Variants in FEZ1 observed in about 807,000 individuals in gnomAD.
The protein encoded by FEZ1 is fasciculation and elongation protein zeta-1.
FEZ1 carries 20 observed loss-of-function variants against 49.3 expected under a neutral mutation model. The ratio of observed to expected loss-of-function variants is 0.41; its 90% CI spans 0.29 to 0.59. The LOEUF is 0.59. Among genes scored for constraint, FEZ1 ranks in the 20% least tolerant of loss-of-function variants. The probability of loss-of-function intolerance (pLI) is 0.36; values close to 1 mark genes in which losing one functional copy is unlikely to be tolerated. For missense variants in FEZ1, 413 were observed against 476.0 expected (o/e 0.87, Z 1.23); for synonymous variants, 170 against 180.9 (o/e 0.94, Z 0.48).
rs762579376 is a variant in FEZ1, at chr11:125,456,050, C to T, written c.724G>A (p.Ala242Thr). 3 of 1,611,648 alleles carry T rather than the reference C, an allele frequency of 1.9e-6. No homozygotes were observed. The highest frequency in any genetic ancestry group is 1.7e-6 in the Non-Finnish European group (2 of 1,179,434). The change falls in exon 6 of 10, where the codon GCC (alanine) becomes ACC (threonine). Residue 242 changes from alanine to threonine, a missense_variant. Physicochemically the swap from Ala to Thr is moderately conservative, Grantham distance 58 (BLOSUM62 0). Coordinates refer to ENST00000278919, the MANE Select transcript of FEZ1 (RefSeq NM_005103.5). ...AGCTCCTCCGAGAAGTCACGGATGG[C>T]ACCCTCCACCTGGTCCAGCAGCTCG... ...LTELLDQVEG[A>T]IRDFSEELVQ...
intron 3 of FEZ1, among the ~76,000 whole-genome samples, chr11:125,464,917 C>T (rs761880012): frequency 2.0e-5 from 3 of 152,152 alleles, no homozygotes; most frequent in Non-Finnish European, 2.9e-5. Context: ...TGGTTTCCAC[C>T]GCTCCCCACT....
intron 1 of FEZ1, among the ~76,000 whole-genome samples, chr11:125,490,342 G>C (rs1437642732): frequency 6.6e-6 from 1 of 152,044 alleles, no homozygotes; most frequent in Non-Finnish European, 1.5e-5. Flanking sequence ...GCTGTTCATG[G>C]CTTTAATTTA....
At chr11:125,468,284 T>C (rs1957152329) in intron 3 of FEZ1, among the ~76,000 whole-genome samples, 1 of 152,054 alleles carries the variant, frequency 6.6e-6, no homozygotes, top group African/African-American at 2.4e-5. Flanking sequence ...ATCAGGCAAT[T>C]CTTCCACCTC....
Position 125,460,506 on chromosome 11 carries a change from G to A in FEZ1, c.659C>T (p.Ser220Phe). The change falls in exon 5 of 10, where the codon TCC becomes TTC. Residue 220 changes from serine to phenylalanine, a missense_variant. By Grantham distance (155) the Ser-to-Phe change is radical. Coordinates refer to ENST00000278919, the MANE Select transcript of FEZ1 (RefSeq NM_005103.5). ...GCGCCCAGGGCCCTCACCTTCATAG[G>A]ACCAGTTGTTGTTGAAGGTCTGTGT... ...ALTQTFNNNW[S>F]YEGLRHMSGS... is the part of the protein sequence containing the mutation. 1 of 1,613,858 alleles carries A rather than the reference G, an allele frequency of 6.2e-7. No individual in the cohort carries two copies. The highest frequency in any genetic ancestry group is 1.1e-5 in the South Asian group (1 of 91,018).
chr11:125,473,307 T>C (rs1957199455), intron 3 of FEZ1, among the ~76,000 whole-genome samples: 4 of 152,192 alleles, frequency 2.6e-5, no homozygotes, highest in Admixed American at 2.6e-4. Flanking sequence ...GGAATAAGAT[T>C]TTCAATGAAT....
At position 125,489,954 on chromosome 11, in the gene FEZ1, G is replaced by T; in HGVS notation, c.-45-132C>A. On this transcript the variant is annotated intron_variant, in intron 1 of 9. Transcript: ENST00000278919. This position sits in a 1 kb window ranked among gnomAD's most constrained non-coding sequence, Gnocchi z 4.2. ...GCACTGGTTAAGTACGAAGCTCCTG[G>T]ACAAGATCGTCTAGGTTTGCATTCT... 1.3e-6 allele frequency: 1 copy of T among 749,802 alleles called. No homozygotes were observed. Among genetic ancestry groups the T allele is most frequent in the Non-Finnish European group, 2.0e-6 (1 of 510,834 alleles). The allele number at this position is 749,802 out of a possible 1,614,324, so 46.4% of individuals were successfully genotyped here.
chr11:125,447,263 A>C (rs1000069796), intron 9 of FEZ1, among the ~76,000 whole-genome samples: 2 of 152,228 alleles, frequency 1.3e-5, no homozygotes, highest in African/African-American at 4.8e-5. Context: ...ACAGGAGAAC[A>C]TATTAAATTA....
At chr11:125,466,917 A>T (rs989611647) in intron 3 of FEZ1, among the ~76,000 whole-genome samples, 4 of 151,778 alleles carry the variant, frequency 2.6e-5, no homozygotes, top group Non-Finnish European at 4.4e-5. Flanking sequence ...TCCTCCCCTT[A>T]CCACTATTGT....
At chr11:125,457,654 A>AG (rs1957033169) in intron 5 of FEZ1, among the ~76,000 whole-genome samples, 1 of 151,532 alleles carries the variant, frequency 6.6e-6, no homozygotes, top group Admixed American at 6.6e-5. Flanking sequence ...GTGGGTACAT[A>AG]GGGGGTGTAT....
At position 125,443,544 on chromosome 11, in the gene FEZ1, T is replaced by C. The variant is rs1234544796; in HGVS notation, c.*2551A>G. On this transcript the variant is annotated 3_prime_UTR_variant, in exon 10 of 10. Coordinates refer to ENST00000278919, the MANE Select transcript of FEZ1 (RefSeq NM_005103.5). The stretch of plus-strand genomic sequence containing the variant: ...GGCTCCTTTTAAGAGAAGAGCTGCC[T>C]CCCTTTTAAAGGGAGACCTTGTTAA... 6.6e-6 allele frequency among the ~76,000 whole-genome samples: 1 copy of C among 152,200 alleles called. No individual in the cohort carries two copies. The highest frequency in any genetic ancestry group is 1.9e-4 in the East Asian group (1 of 5,200).
At position 125,459,957 on chromosome 11, in the gene FEZ1, G is replaced by A. The variant is rs138291089; in HGVS notation, c.667+541C>T. On this transcript the variant is annotated intron_variant, in intron 5 of 9. Coordinates refer to ENST00000278919, the MANE Select transcript of FEZ1 (RefSeq NM_005103.5). ...ACAAAAATACACAAATTAGCAGGGC[G>A]TGGTGGCACGTGCCTGTAGTCCCAA... Among the ~76,000 whole-genome samples the A allele has an allele frequency of 5.9e-3, 900 of 152,186 alleles. 9 individuals carry two copies. Among genetic ancestry groups the A allele is most frequent in the African/African-American group, 0.019 (804 of 41,528 alleles).
rs1956876689 is a variant in FEZ1, at chr11:125,444,167, T to G, written c.*1928A>C. 6.6e-6 allele frequency among the ~76,000 whole-genome samples: 1 copy of G among 152,216 alleles called. No individual in the cohort carries two copies. The highest frequency in any genetic ancestry group is 2.1e-4 in the South Asian group (1 of 4,834). On this transcript the variant is annotated 3_prime_UTR_variant, in exon 10 of 10. Coordinates refer to ENST00000278919, the MANE Select transcript of FEZ1 (RefSeq NM_005103.5). Reference sequence around the variant, plus strand: ...CATGCTCCTGTGGCAGCCGGGGCTCTATCTATGGAGAAGCTCTGCTCTGGG... The same window carrying G: ...CATGCTCCTGTGGCAGCCGGGGCTCGATCTATGGAGAAGCTCTGCTCTGGG...
At chr11:125,454,309 C>A in intron 6 of FEZ1, 99 bp from the exon 7 acceptor site, 1 of 819,230 alleles carries the variant, frequency 1.2e-6, no homozygotes, top group East Asian at 2.6e-5. Context: ...GATAACGCCC[C>A]AGGGTTCTGT....
chr11:125,493,406 GAAAGAAAGAAAGAAAGAAGGAAA>G (rs1957409466), intron 1 of FEZ1, among the ~76,000 whole-genome samples: 3 of 71,622 alleles, frequency 4.2e-5, no homozygotes, highest in Non-Finnish European at 7.7e-5. Flanking sequence ...AAGAAAGAAA[GAAAGAAAGAAAGAAAGAAGGAAA>G]GAAGGAAAGA....
At position 125,489,460 on chromosome 11, in the gene FEZ1, T is replaced by C; in HGVS notation, c.311+7A>G. On this transcript the variant is annotated splice_region_variant and intron_variant, in intron 2 of 9. Transcript: ENST00000278919. The surrounding 1 kb of genome is among the most constrained non-coding windows in gnomAD (Gnocchi z 4.2). ...TGAAGCAGGAGAGGGCAATTAAGACTTCTTACTCCTCGTCCTGAAGGGTCT... is the reference window on the plus strand; with the variant it reads ...TGAAGCAGGAGAGGGCAATTAAGACCTCTTACTCCTCGTCCTGAAGGGTCT... 2 of 1,606,172 alleles carry C rather than the reference T, an allele frequency of 1.2e-6. No homozygotes were observed. The highest frequency in any genetic ancestry group is 1.7e-6 in the Non-Finnish European group (2 of 1,176,586).
chr11:125,456,843 T>A (rs1383029916), intron 5 of FEZ1, among the ~76,000 whole-genome samples: 1 of 152,240 alleles, frequency 6.6e-6, no homozygotes, highest in East Asian at 1.9e-4. Flanking sequence ...TATATTTTCA[T>A]AGTTGAGATT....
chr11:125,465,099 T>C (rs113492774), intron 3 of FEZ1, among the ~76,000 whole-genome samples: 31 of 152,324 alleles, frequency 2.0e-4, no homozygotes, highest in African/African-American at 7.5e-4. Context: ...AATGTATCAA[T>C]ATGAACCCAG....
rs983918934 is a variant in FEZ1 at position 125,445,625 on chromosome 11, C to A, written c.*470G>T. 1 of 275,592 alleles carries A rather than the reference C, an allele frequency of 3.6e-6. No individual in the cohort carries two copies. The highest frequency in any genetic ancestry group is 2.2e-5 in the African/African-American group (1 of 44,962). 17.1% of individuals were successfully genotyped at this position (275,592 alleles called of 1,614,324 possible). On this transcript the variant is annotated 3_prime_UTR_variant, in exon 10 of 10. Coordinates refer to ENST00000278919, the MANE Select transcript of FEZ1 (RefSeq NM_005103.5). This position sits in a 1 kb window ranked among gnomAD's most constrained non-coding sequence, Gnocchi z 4.4. ...CACGACCCACAACAGGACATGCGCC[C>A]GGTCCCTAAACACAGCACTGGCTGC...
chr11:125,452,959 CTT>C (rs3053665), intron 7 of FEZ1: 117 of 139,852 alleles, frequency 8.4e-4, no homozygotes, highest in South Asian at 7.9e-3. Context: ...AAGAAGCTCA[CTT>C]TTTTTTTTTT....
Sources: gnomAD v4.1 joint callset for allele counts (sites outside exome capture counted in the v4.1 genomes callset) on GRCh38, gnomAD v4.1.1 for gene constraint, Gnocchi (gnomAD v3.1) non-coding constraint, MANE v1.5 for transcripts, NCBI Gene and HGNC (gene_info 2026-07-23, HGNC 2026-07-21) for gene names.